CSMD2: variants seen among roughly 807,000 people sequenced by gnomAD.
CSMD2 encodes the protein CUB and Sushi multiple domains 2.
Under a neutral mutation model 398.5 loss-of-function variants are expected in CSMD2, and 130 were observed. The observed-to-expected ratio is 0.33, with a 90% CI of 0.28 to 0.38. The LOEUF is 0.38. Ranked by LOEUF, CSMD2 falls within the 10% of genes least tolerant of loss-of-function variation. The pLI is 1.00. For missense variants in CSMD2, 3,829 were observed against 4,764.9 expected (o/e 0.80, Z 5.78); for synonymous variants, 1,828 against 1,908.5 (o/e 0.96, Z 1.10).
chr1:33,569,445 G>A lies in CSMD2; in HGVS notation c.8060C>T (p.Thr2687Ile), dbSNP rs771862253. Reference protein sequence around the residue: ...TAIFSCNSGYTLVGSRVRECM... With the variant: ...TAIFSCNSGYILVGSRVRECM... ...CTCACGCACCCTGGAGCCCACCAGT[G>A]TGTATCCGGAATTGCAGGAGAAGAT... Residue 2687 changes from threonine to isoleucine, a missense_variant, in exon 52 of 71, where the codon ACA becomes ATA. Coordinates refer to ENST00000373381, the MANE Select transcript of CSMD2 (RefSeq NM_001281956.2). 2 of 1,614,178 alleles carry A rather than the reference G, an allele frequency of 1.2e-6. No homozygotes were observed. Among genetic ancestry groups the A allele is most frequent in the South Asian group, 1.1e-5 (1 of 91,072 alleles).
chr1:34,092,819 C>A (rs575847669), intron 1 of CSMD2, among the ~76,000 whole-genome samples: 1 of 152,172 alleles, frequency 6.6e-6, no homozygotes, highest in Non-Finnish European at 1.5e-5. Context: ...AAGGCAGCAG[C>A]GAGGCTGGGG....
chr1:34,152,319 G>A (rs1460685239), intron 1 of CSMD2, among the ~76,000 whole-genome samples: 1 of 152,170 alleles, frequency 6.6e-6, no homozygotes, highest in African/African-American at 2.4e-5. Context: ...ACTTGTGGAA[G>A]AAAAAGGATC....
chr1:33,813,614 TATC>T (rs3072766), intron 9 of CSMD2, among the ~76,000 whole-genome samples: 17,593 of 152,048 alleles, frequency 0.12, 1,837 homozygotes, highest in African/African-American at 0.28. Context: ...CTCTGGACAT[TATC>T]ATATAATGGG....
At chr1:33,983,874 C>G in intron 3 of CSMD2, among the ~76,000 whole-genome samples, 1 of 152,166 alleles carries the variant, frequency 6.6e-6, no homozygotes, top group East Asian at 1.9e-4. Flanking sequence ...GGACATAGGC[C>G]GGGTGCAGTG....
chr1:33,516,793 T>C (rs2148509999), intron 70 of CSMD2, among the ~76,000 whole-genome samples: 1 of 152,292 alleles, frequency 6.6e-6, no homozygotes, highest in South Asian at 2.1e-4. Context: ...TCTGTCTTTT[T>C]CCCTTGCAGG....
At chr1:33,535,393 A>C (rs1187679127) in intron 62 of CSMD2, among the ~76,000 whole-genome samples, 1 of 152,220 alleles carries the variant, frequency 6.6e-6, no homozygotes, top group African/African-American at 2.4e-5. Context: ...CAATTTAGTA[A>C]GTTTTTGCTG....
chr1:34,035,534 G>A (rs1366527822), intron 2 of CSMD2, among the ~76,000 whole-genome samples: 1 of 152,126 alleles, frequency 6.6e-6, no homozygotes, highest in African/African-American at 2.4e-5. Flanking sequence ...GTCTAAAGAT[G>A]CAAGGCTGGT....
chr1:34,095,590 C>T (rs985158291), intron 1 of CSMD2, among the ~76,000 whole-genome samples: 1 of 152,034 alleles, frequency 6.6e-6, no homozygotes, highest in African/African-American at 2.4e-5. Context: ...CACCACTGAT[C>T]CCACAGAAAT....
Position 33,989,013 on chromosome 1 carries a change from CATATATATATATATATATATATAT to C in CSMD2, c.517+43557_517+43580del, listed in dbSNP as rs71029018. Among the ~76,000 whole-genome samples the C allele has an allele frequency of 6.4e-3, 605 of 94,842 alleles. 11 individuals carry two copies. Among genetic ancestry groups the C allele is most frequent in the Middle Eastern group, 0.018 (3 of 170 alleles). 62.2% of individuals were successfully genotyped at this position (94,842 alleles called of 152,430 possible). Reference sequence around the variant, plus strand: ...ACAGGTAAAAATCTCTCTCTCTCTCCATATATATATATATATATATATATATATATATATATATATATATATATA... The same window carrying C: ...ACAGGTAAAAATCTCTCTCTCTCTCCATATATATATATATATATATATATA... On this transcript the variant is annotated intron_variant, in intron 3 of 70. Coordinates refer to ENST00000373381, the MANE Select transcript of CSMD2 (RefSeq NM_001281956.2).
chr1:33,999,216 C>T (rs1646820094), intron 3 of CSMD2, among the ~76,000 whole-genome samples: 1 of 152,122 alleles, frequency 6.6e-6, no homozygotes, highest in South Asian at 2.1e-4. Context: ...ATCTACAAGA[C>T]TGCAATGCCA....
intron 1 of CSMD2, among the ~76,000 whole-genome samples, chr1:34,149,072 G>C (rs1640048192): frequency 6.6e-6 from 1 of 152,162 alleles, no homozygotes. Context: ...TGAAACCCCA[G>C]GAATGGCTGA....
chr1:33,917,676 C>G (rs925895113), intron 5 of CSMD2, among the ~76,000 whole-genome samples: 1 of 152,166 alleles, frequency 6.6e-6, no homozygotes, highest in Non-Finnish European at 1.5e-5. Context: ...AGAATTAAGA[C>G]TAAAAATGTT....
At chr1:33,562,187 C>A (rs1185317242) in intron 53 of CSMD2, among the ~76,000 whole-genome samples, 3 of 149,896 alleles carry the variant, frequency 2.0e-5, no homozygotes, top group Non-Finnish European at 4.4e-5. Context: ...TCAATAGGAC[C>A]ACTGGTGACT....
chr1:33,831,363 T>C (rs1659535279), intron 6 of CSMD2, among the ~76,000 whole-genome samples: 1 of 152,128 alleles, frequency 6.6e-6, no homozygotes, highest in Admixed American at 6.5e-5. Flanking sequence ...TATTCAACAT[T>C]CTTAAAGAAA....
intron 5 of CSMD2, chr1:33,864,446 G>A: frequency 6.2e-7 from 1 of 1,614,130 alleles, no homozygotes. Context: ...GGAAGAAACG[G>A]AGAAAGCGGG....
rs1641716048 is a variant in CSMD2 at position 34,164,781 on chromosome 1, C to T, written c.187+130G>A. ...CAGGGATGAGAATGAGAGTAGGCAA[C>T]TGGGAGGGTGGGAGATTCAGGCAGG... On this transcript the variant is annotated intron_variant, in intron 1 of 70. Transcript: ENST00000373381. The surrounding 1 kb of genome is among the most constrained non-coding windows in gnomAD (Gnocchi z 6.2). The T allele has an allele frequency of 1.2e-6, 1 of 802,250 alleles. No individual in the cohort carries two copies. Among genetic ancestry groups the T allele is most frequent in the East Asian group, 4.1e-5 (1 of 24,284 alleles). The allele number at this position is 802,250 out of a possible 1,614,324, so 49.7% of individuals were successfully genotyped here. A position where few individuals can be genotyped will look rare whatever the true frequency, so the allele number is the denominator to read the frequency against.
At chr1:33,864,524 GA>G (rs1402182944) in intron 5 of CSMD2, 1 of 1,614,136 alleles carries the variant, frequency 6.2e-7, no homozygotes, top group South Asian at 1.1e-5. Context: ...ATGCTCAGCT[GA>G]AGAGGGAGAA....
chr1:33,527,172 G>C (rs1654848972), intron 65 of CSMD2, 24 bp downstream of exon 65: 1 of 1,607,072 alleles, frequency 6.2e-7, no homozygotes, highest in African/African-American at 1.3e-5. Context: ...AGTTTCTTGA[G>C]CCAATGATCT....
intron 2 of CSMD2, among the ~76,000 whole-genome samples, chr1:34,049,703 A>G (rs1020263659): frequency 3.3e-5 from 5 of 152,182 alleles, no homozygotes; most frequent in East Asian, 1.9e-4. Flanking sequence ...GTGAGGTATC[A>G]CTTCCCAAAA....
Sources: allele counts gnomAD v4.1 joint callset (sites outside exome capture counted in the v4.1 genomes callset), GRCh38; gene constraint gnomAD v4.1.1; non-coding constraint Gnocchi (gnomAD v3.1); transcripts MANE v1.5; gene names NCBI Gene and HGNC (gene_info 2026-07-23, HGNC 2026-07-21).